SMARCB1: variants seen among roughly 807,000 people sequenced by gnomAD.
SMARCB1 encodes SWI/SNF-related matrix-associated actin-dependent regulator of chromatin subfamily B member 1.
A neutral mutation model predicts 49.0 loss-of-function variants in SMARCB1; 5 were observed. That is an observed-to-expected ratio of 0.10 (90% confidence interval 0.05 to 0.21). SMARCB1 has a LOEUF of 0.21. Among genes scored for constraint, SMARCB1 ranks in the 10% least tolerant of loss-of-function variants. The pLI, the probability that SMARCB1 is intolerant of heterozygous loss-of-function variation, is 1.00. For missense variants in SMARCB1, 226 were observed against 509.2 expected, an observed-to-expected ratio of 0.44 and a Z score of 5.35; for synonymous variants, 201 against 200.1, an observed-to-expected ratio of 1.00 and a Z score of -0.04.
At chr22:23,789,344 C>A (rs537573135) in intron 1 of SMARCB1, among the ~76,000 whole-genome samples, 1 of 152,322 alleles carries the variant, frequency 6.6e-6, no homozygotes, top group Admixed American at 6.5e-5. Context: ...CAAATTTCAG[C>A]CTGTGATACT....
At position 23,834,710 on chromosome 22, in the gene SMARCB1, C is replaced by T. The variant is rs1439266834; in HGVS notation, c.*530C>T. On this transcript the variant is annotated 3_prime_UTR_variant, in exon 9 of 9. Coordinates refer to ENST00000644036, the MANE Select transcript of SMARCB1 (RefSeq NM_003073.5). ...GGTAGCACCTCAGCTCCTCTCAGCT[C>T]CCCTCAGCCTGTTCTCCTTCCAGAC... 7.3e-7 allele frequency: 1 copy of T among 1,372,888 alleles called. No homozygotes were observed. The highest frequency in any genetic ancestry group is 1.4e-5 in the South Asian group (1 of 69,558). The allele number at this position is 1,372,888 out of a possible 1,614,324, so 85.0% of individuals were successfully genotyped here.
At chr22:23,793,353 G>C (rs1472825606) in intron 2 of SMARCB1, 3 of 674,876 alleles carry the variant, frequency 4.4e-6, no homozygotes, top group Non-Finnish European at 8.1e-6. Flanking sequence ...CAGTCCCATT[G>C]GAGGCTCTAC....
chr22:23,802,387 C>CTCCT (rs1004619674), intron 4 of SMARCB1: 1 of 152,644 alleles, frequency 6.6e-6, no homozygotes, highest in Admixed American at 6.6e-5. Flanking sequence ...CTTTCCTTTC[C>CTCCT]TCCTTCCTTC....
At chr22:23,828,362 TAAG>T (rs1568959468) in intron 7 of SMARCB1, among the ~76,000 whole-genome samples, 1 of 149,298 alleles carries the variant, frequency 6.7e-6, no homozygotes, top group Non-Finnish European at 1.5e-5. Context: ...CATGACTTCT[TAAG>T]AAGGGTTTTC....
At chr22:23,827,866 TAGG>T (rs1031667190) in intron 7 of SMARCB1, among the ~76,000 whole-genome samples, 10 of 151,956 alleles carry the variant, frequency 6.6e-5, no homozygotes, top group Non-Finnish European at 2.9e-5. Flanking sequence ...CATGGGATCT[TAGG>T]AGGGACTTCG....
At chr22:23,793,236 C>T (rs932410972) in intron 2 of SMARCB1, 1 of 415,536 alleles carries the variant, frequency 2.4e-6, no homozygotes, top group Non-Finnish European at 4.6e-6. Flanking sequence ...AGAATATGTT[C>T]TGGAGTCGAG....
At chr22:23,824,193 G>A (rs2030250203) in intron 6 of SMARCB1, 1 of 152,256 alleles carries the variant, frequency 6.6e-6, no homozygotes, top group African/African-American at 2.4e-5. Context: ...AACATGATCG[G>A]GGATTGGGGT....
chr22:23,787,087 C>T lies in SMARCB1; in HGVS notation c.-83C>T, dbSNP rs1374186002. ...CATTTCGCCTTCCGGCTTCGGTTTC[C>T]CTCGGCCCAGCACGCCCCGGCCCCG... is the stretch of plus-strand genomic sequence containing the variant. On this transcript the variant is annotated 5_prime_UTR_variant, in exon 1 of 9. Coordinates refer to ENST00000644036, the MANE Select transcript of SMARCB1 (RefSeq NM_003073.5). 4.4e-6 allele frequency: 4 copies of T among 900,508 alleles called. No homozygotes were observed. Among genetic ancestry groups the T allele is most frequent in the Non-Finnish European group, 7.2e-6 (4 of 557,142 alleles). The allele number at this position is 900,508 out of a possible 1,614,324, so 55.8% of individuals were successfully genotyped here.
intron 7 of SMARCB1, among the ~76,000 whole-genome samples, chr22:23,829,737 G>T (rs6003899): frequency 0.064 from 9,756 of 152,148 alleles, 1,018 homozygotes; most frequent in African/African-American, 0.22. Flanking sequence ...AGCGGTTTTT[G>T]ATATATGCAG....
At chr22:23,807,963 T>G (rs1929610329) in intron 5 of SMARCB1, among the ~76,000 whole-genome samples, 1 of 105,584 alleles carries the variant, frequency 9.5e-6, no homozygotes, top group Non-Finnish European at 2.0e-5. Flanking sequence ...CCCGGCTAAT[T>G]TTTTTTTTTT....
rs2030343756 is a variant in SMARCB1 at position 23,825,627 on chromosome 22, A to G, written c.986+212A>G. 3 of 582,280 alleles carry G rather than the reference A, an allele frequency of 5.2e-6. 1 individual carries two copies. The highest frequency in any genetic ancestry group is 9.2e-6 in the Non-Finnish European group (3 of 326,796). The allele number at this position is 582,280 out of a possible 1,614,324, so 36.1% of individuals were successfully genotyped here. A position where few individuals can be genotyped will look rare whatever the true frequency, so the allele number is the denominator to read the frequency against. On this transcript the variant is annotated intron_variant, in intron 7 of 8. Coordinates refer to ENST00000644036, the MANE Select transcript of SMARCB1 (RefSeq NM_003073.5). Reference sequence around the variant, plus strand: ...GGTAGGGTTAGAAGCACCTAACACAATAGCTGGCAAAGACTTGGAGTTCTG... The same window carrying G: ...GGTAGGGTTAGAAGCACCTAACACAGTAGCTGGCAAAGACTTGGAGTTCTG...
intron 3 of SMARCB1, among the ~76,000 whole-genome samples, chr22:23,795,957 A>G (rs1928722304): frequency 6.6e-6 from 1 of 151,428 alleles, no homozygotes; most frequent in Non-Finnish European, 1.5e-5. Flanking sequence ...TGCCTGGCTA[A>G]TTTTTTTGTA....
At chr22:23,821,207 T>C (rs945645223) in intron 6 of SMARCB1, among the ~76,000 whole-genome samples, 5 of 152,232 alleles carry the variant, frequency 3.3e-5, no homozygotes, top group African/African-American at 1.2e-4. Context: ...GGTGTCCTGC[T>C]CTGCCCTTTG....
At chr22:23,814,218 T>A in intron 5 of SMARCB1, among the ~76,000 whole-genome samples, 1 of 152,098 alleles carries the variant, frequency 6.6e-6, no homozygotes, top group East Asian at 1.9e-4. Context: ...GGCTGTGTGG[T>A]ATTGGTGGAG....
chr22:23,793,566 A>G lies in SMARCB1; in HGVS notation c.240A>G (p.Gly80=), dbSNP rs1363642431. 6 of 1,614,096 alleles carry G rather than the reference A, an allele frequency of 3.7e-6. No homozygotes were observed. In the East Asian group the frequency reaches 8.9e-5, roughly 24 times the overall value. Residue 80 remains glycine (G), a synonymous_variant, in exon 3 of 9, where the codon GGA becomes GGG. Coordinates refer to ENST00000644036, the MANE Select transcript of SMARCB1 (RefSeq NM_003073.5). ...GATGTTTGTCTGTTACAGATCACGG[A>G]TACACGACTCTAGCCACCAGTGTGA... is the stretch of plus-strand genomic sequence containing the variant. The part of the protein sequence containing the change: ...KKTKPNTKDH[G]YTTLATSVTL...
Position 23,816,782 on chromosome 22 carries a change from C to T in SMARCB1, c.641C>T (p.Thr214Met), listed in dbSNP as rs780906523. The T allele has an allele frequency of 7.4e-6, 12 of 1,613,756 alleles. No individual in the cohort carries two copies. The highest frequency in any genetic ancestry group is 1.1e-5 in the South Asian group (1 of 91,084). ...CTCCTGATTTCAGAGAAGTTGATGA[C>T]GCCTGAGATGTTTTCAGAAATCCTC... ...FTWNMNEKLM[T>M]PEMFSEILCD... is the part of the protein sequence containing the mutation. The change falls in exon 6 of 9, where the codon ACG (threonine) becomes ATG (methionine). Residue 214 changes from threonine (T) to methionine (M), a missense_variant. Thr to Met is a moderately conservative substitution (Grantham distance 81). This residue lies in a region of SMARCB1 where 128 missense variants were observed against 263.9 expected (regional missense o/e 0.49). Coordinates refer to ENST00000644036, the MANE Select transcript of SMARCB1 (RefSeq NM_003073.5).
intron 3 of SMARCB1, among the ~76,000 whole-genome samples, chr22:23,795,620 C>T (rs1215102285): frequency 1.3e-5 from 2 of 151,646 alleles, no homozygotes; most frequent in Non-Finnish European, 1.5e-5. Context: ...TGCGCCATTG[C>T]TCTCCAGCCT....
chr22:23,837,779 G>C lies in SMARCB1; in HGVS notation c.*3599G>C, dbSNP rs548677946. On this transcript the variant is annotated 3_prime_UTR_variant, in exon 9 of 9. Transcript: ENST00000644036. ...AAGTTGACCCTCACCCGAGGGCTGC[G>C]GCGGCTCCACACGTACACCAGCATG... is the stretch of plus-strand genomic sequence containing the variant. 6.2e-7 allele frequency: 1 copy of C among 1,613,784 alleles called. No individual in the cohort carries two copies. The highest frequency in any genetic ancestry group is 1.3e-5 in the African/African-American group (1 of 74,906).
intron 7 of SMARCB1, among the ~76,000 whole-genome samples, chr22:23,827,166 C>T (rs1261541761): frequency 3.3e-5 from 5 of 152,166 alleles, no homozygotes; most frequent in South Asian, 2.1e-4. Context: ...TCAGAACCCT[C>T]GTCTTGGGCT....
Sources: allele counts gnomAD v4.1 joint callset (sites outside exome capture counted in the v4.1 genomes callset), GRCh38; gene constraint gnomAD v4.1.1; regional missense constraint gnomAD v4.1.1; transcripts MANE v1.5; gene names NCBI Gene and HGNC (gene_info 2026-07-23, HGNC 2026-07-21).